Variants in EPG5 observed in about 807,000 individuals in gnomAD.
The protein encoded by EPG5 is ectopic P-granules 5 autophagy tethering factor, also known as ectopic P granules protein 5 homolog.
In EPG5, 159 loss-of-function variants were observed where a neutral mutation model predicts 302.7. The ratio of observed to expected loss-of-function variants is 0.53; its 90% CI spans 0.46 to 0.60. The LOEUF (loss-of-function observed/expected upper bound fraction) is 0.60. Among genes scored for constraint, EPG5 ranks in the 20% least tolerant of loss-of-function variants. The probability of loss-of-function intolerance (pLI) is 0.00; values close to 1 mark genes in which losing one functional copy is unlikely to be tolerated. For missense variants in EPG5, 2,896 were observed against 3,092.4 expected (o/e 0.94, Z 1.51); for synonymous variants, 1,158 against 1,136.8 (o/e 1.02, Z -0.37).
chr18:45,960,782 C>G (rs1235243969), intron 1 of EPG5, among the ~76,000 whole-genome samples: 1 of 152,068 alleles, frequency 6.6e-6, no homozygotes, highest in East Asian at 1.9e-4. Flanking sequence ...CACTCATACA[C>G]ACTTTAAGCA....
intron 1 of EPG5, among the ~76,000 whole-genome samples, chr18:45,960,050 A>C (rs952684462): frequency 1.3e-5 from 2 of 152,124 alleles, no homozygotes; most frequent in Non-Finnish European, 2.9e-5. Context: ...TTTGGGAGGC[A>C]GGAGGATCCC....
chr18:45,954,939 C>T lies in EPG5; in HGVS notation c.463G>A (p.Ala155Thr). ...MSVQGGLSES[A>T]PQSNFSYTQP... ...GTATAAGAAAAATTAGATTGGGGTG[C>T]ACTTTCTGAAAGTCCACCTTGTACC... The change falls in exon 2 of 44, where the codon GCA becomes ACA. Residue 155 changes from alanine to threonine, a missense_variant. By Grantham distance (58) the Ala-to-Thr change is moderately conservative. Transcript: ENST00000282041. The T allele has an allele frequency of 6.2e-7, 1 of 1,613,638 alleles. No homozygotes were observed. Among genetic ancestry groups the T allele is most frequent in the Non-Finnish European group, 8.5e-7 (1 of 1,179,886 alleles).
intron 41 of EPG5, among the ~76,000 whole-genome samples, chr18:45,858,280 C>T (rs2048559323): frequency 6.6e-6 from 1 of 152,162 alleles, no homozygotes; most frequent in Non-Finnish European, 1.5e-5. Context: ...CGTGTTCTTC[C>T]ACTTCATCCT....
chr18:45,962,167 C>T (rs1693746228), intron 1 of EPG5, among the ~76,000 whole-genome samples: 2 of 151,980 alleles, frequency 1.3e-5, no homozygotes, highest in South Asian at 2.1e-4. Flanking sequence ...TTAGGAGGCA[C>T]GAAAGAAGCT....
chr18:45,806,394 A>G, the EPG5 span, among the ~76,000 whole-genome samples: 1 of 152,194 alleles, frequency 6.6e-6, no homozygotes, highest in East Asian at 1.9e-4. Flanking sequence ...CAGCATGTGG[A>G]GGCTTGCATC....
intron 6 of EPG5, 56 bp from the exon 7 acceptor site, chr18:45,946,824 T>C: frequency 7.3e-7 from 1 of 1,369,312 alleles, no homozygotes; most frequent in Admixed American, 1.7e-5. Context: ...GTGAGTGCAT[T>C]GTGGATTCTC....
chr18:45,901,765 C>CCACACA (rs58432761), intron 25 of EPG5, among the ~76,000 whole-genome samples: 4,490 of 146,684 alleles, frequency 0.031, 212 homozygotes, highest in African/African-American at 0.1. Flanking sequence ...CAATCCTGTG[C>CCACACA]CACACACACA....
In EPG5 at chr18:45,912,375, C is replaced by T. The variant is rs201495638; in HGVS notation, c.3898G>A (p.Val1300Ile). Residue 1300 changes from valine (V) to isoleucine (I), a missense_variant, in exon 22 of 44, where the codon GTC becomes ATC. Val to Ile is a conservative substitution (Grantham distance 29). Around this residue, in one of 5 missense-constraint regions of EPG5, gnomAD observed 790 missense variants for 798.0 expected, o/e 0.99. Coordinates refer to ENST00000282041, the MANE Select transcript of EPG5 (RefSeq NM_020964.3). The stretch of plus-strand genomic sequence containing the variant: ...AGGAGGGGGTGATCAGAAGGTGTGA[C>T]CAGAGCCTGGTGGGCCCAGCGATAA... ...LIYRWAHQAL[V>I]TPSDHPLLPL... The T allele has an allele frequency of 6.3e-5, 102 of 1,611,558 alleles. No individual in the cohort carries two copies. In the African/African-American group the frequency reaches 1.2e-3, roughly 18 times the overall value.
chr18:45,901,233 G>C, intron 25 of EPG5, 66 bp from the exon 26 acceptor site: 1 of 1,387,308 alleles, frequency 7.2e-7, no homozygotes, highest in Non-Finnish European at 1.0e-6. Context: ...AGAAGCATGT[G>C]GTACAATTCA....
chr18:45,846,125 C>T (rs140151591), downstream of EPG5, among the ~76,000 whole-genome samples: 470 of 152,178 alleles, frequency 3.1e-3, no homozygotes, highest in African/African-American at 0.011. Flanking sequence ...GTCAAGCGTC[C>T]GGGTTTTGTC....
chr18:45,916,684 A>T lies in EPG5; in HGVS notation c.3240-102T>A, dbSNP rs933562138. ...AACAGAAAATTCCTAAATTGGTCCC[A>T]TTTTTCGACCAAAGCACTATTTAAG... On this transcript the variant is annotated intron_variant, in intron 17 of 43. Transcript: ENST00000282041. 2.4e-6 allele frequency: 3 copies of T among 1,269,892 alleles called. No individual in the cohort carries two copies. In the African/African-American group the frequency reaches 4.5e-5, roughly 19 times the overall value. 78.7% of individuals were successfully genotyped at this position (1,269,892 alleles called of 1,614,324 possible).
chr18:45,883,618 T>TG (rs2049151169), intron 30 of EPG5, among the ~76,000 whole-genome samples: 1 of 84,316 alleles, frequency 1.2e-5, no homozygotes, highest in African/African-American at 4.4e-5. Flanking sequence ...CCTGGTGTTT[T>TG]TTTTTTTTTT....
chr18:45,840,649 C>G, the EPG5 span, among the ~76,000 whole-genome samples: 1 of 152,242 alleles, frequency 6.6e-6, no homozygotes, highest in Non-Finnish European at 1.5e-5. Flanking sequence ...TAGGAAATCA[C>G]TGACTCCTGG....
At chr18:45,822,822 C>G in the EPG5 span, among the ~76,000 whole-genome samples, 1 of 152,154 alleles carries the variant, frequency 6.6e-6, no homozygotes, top group Non-Finnish European at 1.5e-5. Context: ...TAAATCAAGA[C>G]AGAATATAAT....
chr18:45,934,241 A>G (rs569539543), intron 11 of EPG5, among the ~76,000 whole-genome samples: 12 of 152,264 alleles, frequency 7.9e-5, no homozygotes, highest in African/African-American at 2.6e-4. Context: ...GTCAGCCAAG[A>G]GCACACCACT....
intron 23 of EPG5, among the ~76,000 whole-genome samples, chr18:45,910,125 A>G (rs1280800521): frequency 6.6e-6 from 1 of 151,698 alleles, no homozygotes; most frequent in Non-Finnish European, 1.5e-5. Flanking sequence ...AGCTGGGACC[A>G]CAGGTGCACG....
chr18:45,842,183 C>T, the EPG5 span: 1 of 1,614,094 alleles, frequency 6.2e-7, no homozygotes, highest in Admixed American at 1.7e-5. Context: ...ATGTGCTCAC[C>T]GTGAGGAGTC....
chr18:45,852,558 G>C lies in EPG5; in HGVS notation c.7649C>G (p.Pro2550Arg). The part of the protein sequence containing the change: ...ILQATQFIRH[P>R]GHCLQDGKSF... ...TTTCCCATCTTGAAGGCAATGGCCA[G>C]GATGCCTTATAAATTGGGTGGCTTG... The change falls in exon 44 of 44, where the codon CCT (proline) becomes CGT (arginine). Residue 2550 changes from proline (P) to arginine (R), a missense_variant. By Grantham distance (103) the Pro-to-Arg change is moderately radical. Around this residue, in one of 5 missense-constraint regions of EPG5, gnomAD observed 620 missense variants for 704.2 expected, o/e 0.88. Transcript: ENST00000282041. 1 of 1,614,018 alleles carries C rather than the reference G, an allele frequency of 6.2e-7. No homozygotes were observed. Among genetic ancestry groups the C allele is most frequent in the Non-Finnish European group, 8.5e-7 (1 of 1,179,854 alleles).
At chr18:45,802,795 G>A in the EPG5 span, among the ~76,000 whole-genome samples, 9 of 152,170 alleles carry the variant, frequency 5.9e-5, no homozygotes, top group Non-Finnish European at 1.0e-4. Context: ...AAATAAAAGT[G>A]AACAGAAAAT....
Sources: gnomAD v4.1 joint callset for allele counts (sites outside exome capture counted in the v4.1 genomes callset) on GRCh38, gnomAD v4.1.1 for gene constraint, gnomAD v4.1.1 regional missense constraint, MANE v1.5 for transcripts, NCBI Gene and HGNC (gene_info 2026-07-23, HGNC 2026-07-21) for gene names.